The following METTL16 variants were observed in gnomAD, a reference collection of about 807,000 sequenced individuals.
The protein encoded by METTL16 is RNA N(6)-adenosine-methyltransferase METTL16.
A neutral mutation model predicts 57.9 loss-of-function variants in METTL16; 19 were observed. The ratio of observed to expected loss-of-function variants is 0.33; its 90% confidence interval spans 0.23 to 0.48. The LOEUF (loss-of-function observed/expected upper bound fraction) is 0.48. Among genes scored for constraint, METTL16 ranks in the 20% least tolerant of loss-of-function variants. METTL16 has a pLI of 0.99. For synonymous variants in METTL16, 246 were observed against 255.6 expected, an observed-to-expected ratio of 0.96 and a Z score of 0.36; for missense variants, 434 against 691.5, an observed-to-expected ratio of 0.63 and a Z score of 4.18.
intron 3 of METTL16, among the ~76,000 whole-genome samples, chr17:2,475,565 C>G (rs1338388221): frequency 6.6e-6 from 1 of 152,164 alleles, no homozygotes; most frequent in Non-Finnish European, 1.5e-5. Context: ...AAAGATTTGT[C>G]AGCGCCAAAA....
chr17:2,430,260 A>G (rs191392513), intron 8 of METTL16, among the ~76,000 whole-genome samples: 93 of 149,504 alleles, frequency 6.2e-4, no homozygotes, highest in African/African-American at 2.0e-3. Flanking sequence ...CTTCAGGCGC[A>G]TACCACCACT....
chr17:2,456,911 C>A (rs1397987345), intron 6 of METTL16, among the ~76,000 whole-genome samples: 2 of 150,164 alleles, frequency 1.3e-5, no homozygotes, highest in African/African-American at 4.9e-5. Flanking sequence ...CCTCAGCCTG[C>A]CATGTAGCTG....
chr17:2,499,489 T>G (rs2067472000), intron 2 of METTL16, among the ~76,000 whole-genome samples: 1 of 147,986 alleles, frequency 6.8e-6, no homozygotes, highest in Non-Finnish European at 1.5e-5. Flanking sequence ...TTCCTAAAGC[T>G]ACTAGGATCA....
intron 7 of METTL16, among the ~76,000 whole-genome samples, chr17:2,441,272 G>C (rs913029352): frequency 6.6e-6 from 1 of 152,144 alleles, no homozygotes; most frequent in African/African-American, 2.4e-5. Flanking sequence ...ATGGAATGAC[G>C]GGCAAAGGGA....
chr17:2,459,971 A>T (rs1228811586), intron 6 of METTL16: 1 of 152,300 alleles, frequency 6.6e-6, no homozygotes, highest in Admixed American at 6.6e-5. Flanking sequence ...ATTGCACTCC[A>T]GCCTGGGCAA....
chr17:2,415,917 C>G (rs529928810), downstream of METTL16: 1 of 152,162 alleles, frequency 6.6e-6, no homozygotes, highest in Non-Finnish European at 1.5e-5. Flanking sequence ...ATCCAAAGGA[C>G]TGGCCCAACC....
intron 1 of METTL16, among the ~76,000 whole-genome samples, chr17:2,503,018 T>C (rs1295981244): frequency 6.6e-6 from 1 of 152,232 alleles, no homozygotes; most frequent in Admixed American, 6.5e-5. Context: ...ATGGCACAGC[T>C]GCTGTCGAAA....
intron 2 of METTL16, among the ~76,000 whole-genome samples, chr17:2,495,022 T>C (rs2067432276): frequency 6.6e-6 from 1 of 151,440 alleles, no homozygotes; most frequent in East Asian, 1.9e-4. Flanking sequence ...GAAAACCTTC[T>C]GGAAAAGATT....
chr17:2,484,956 T>C (rs2067330925), intron 2 of METTL16, among the ~76,000 whole-genome samples: 1 of 152,160 alleles, frequency 6.6e-6, no homozygotes, highest in Admixed American at 6.6e-5. Context: ...CTTATACAAT[T>C]CACAGGCTAA....
intron 6 of METTL16, among the ~76,000 whole-genome samples, chr17:2,459,482 C>T (rs974084324): frequency 1.1e-4 from 17 of 152,160 alleles, no homozygotes; most frequent in African/African-American, 4.1e-4. Context: ...GAGGTCAGTC[C>T]AACACATTTA....
chr17:2,448,781 T>TAAAA (rs1369462081), intron 6 of METTL16, among the ~76,000 whole-genome samples: 7 of 33,682 alleles, frequency 2.1e-4, no homozygotes, highest in African/African-American at 6.8e-4. Context: ...AATAAAAAAA[T>TAAAA]AAAAAAATAA....
chr17:2,442,187 T>C (rs951882917), intron 6 of METTL16, among the ~76,000 whole-genome samples: 8 of 152,216 alleles, frequency 5.3e-5, no homozygotes, highest in African/African-American at 9.7e-5. Flanking sequence ...TTAGTTACTA[T>C]GGGAATTGCC....
intron 4 of METTL16, among the ~76,000 whole-genome samples, chr17:2,470,095 T>G (rs936388395): frequency 7.2e-5 from 11 of 152,152 alleles, no homozygotes; most frequent in African/African-American, 2.2e-4. Flanking sequence ...CAAAGACACT[T>G]TATCGAATAT....
At position 2,419,568 on chromosome 17, in the gene METTL16, C is replaced by T. The variant is rs531068799; in HGVS notation, c.*402G>A. The T allele has an allele frequency of 2.2e-6, 1 of 460,840 alleles. No homozygotes were observed. Among genetic ancestry groups the T allele is most frequent in the Non-Finnish European group, 4.3e-6 (1 of 230,830 alleles). 28.5% of individuals were successfully genotyped at this position (460,840 alleles called of 1,614,324 possible). On this transcript the variant is annotated 3_prime_UTR_variant, in exon 10 of 10. Coordinates refer to ENST00000263092, the MANE Select transcript of METTL16 (RefSeq NM_024086.4). ...CTCCAGCTGGAGGCAGAGAGAGCCACCCCTCCTCAAGAAACACCCTTGGGT... is the reference window on the plus strand; with the variant it reads ...CTCCAGCTGGAGGCAGAGAGAGCCATCCCTCCTCAAGAAACACCCTTGGGT...
intron 8 of METTL16, among the ~76,000 whole-genome samples, chr17:2,433,799 C>T (rs2066891413): frequency 6.6e-6 from 1 of 152,210 alleles, no homozygotes; most frequent in East Asian, 1.9e-4. Context: ...TTCCTTTAAA[C>T]ATACAACAAA....
intron 2 of METTL16, among the ~76,000 whole-genome samples, chr17:2,494,930 G>A (rs1163171605): frequency 3.9e-5 from 6 of 151,992 alleles, no homozygotes; most frequent in East Asian, 1.9e-4. Flanking sequence ...CCCGGGAGCC[G>A]GAGGTTGCAC....
At chr17:2,465,678 C>T (rs924838307) in intron 5 of METTL16, among the ~76,000 whole-genome samples, 1 of 151,016 alleles carries the variant, frequency 6.6e-6, no homozygotes, top group Non-Finnish European at 1.5e-5. Context: ...GCCTGGCCAA[C>T]ATGGTAAAAC....
Position 2,429,979 on chromosome 17 carries a change from T to G in METTL16, c.888+8130A>C, listed in dbSNP as rs574828037. ...GCGCCCGCCACCATGCCCGGCTAAT[T>G]TTTTTCTATTTTTAGTGGAGACGGG... On this transcript the variant is annotated intron_variant, in intron 8 of 9. Coordinates refer to ENST00000263092, the MANE Select transcript of METTL16 (RefSeq NM_024086.4). Among the ~76,000 whole-genome samples, 9 of 131,928 alleles carry G rather than the reference T, an allele frequency of 6.8e-5. 1 individual carries two copies. In the South Asian group the frequency reaches 2.0e-3, roughly 29 times the overall value. 86.5% of individuals were successfully genotyped at this position (131,928 alleles called of 152,430 possible).
chr17:2,510,400 C>G (rs1301744303), intron 1 of METTL16, among the ~76,000 whole-genome samples: 1 of 152,198 alleles, frequency 6.6e-6, no homozygotes, highest in African/African-American at 2.4e-5. Context: ...CATGTTAGGG[C>G]TCTGCCACAC....
Sources: gnomAD v4.1 joint callset for allele counts (sites outside exome capture counted in the v4.1 genomes callset) on GRCh38, gnomAD v4.1.1 for gene constraint, MANE v1.5 for transcripts, NCBI Gene and HGNC (gene_info 2026-07-23, HGNC 2026-07-21) for gene names.